Variants in EDARADD observed in about 807,000 individuals in gnomAD.
EDARADD encodes the protein EDAR associated via death domain.
EDARADD carries 20 observed loss-of-function variants against 25.6 expected under a neutral mutation model. The observed-to-expected ratio is 0.78, with a 90% CI of 0.55 to 1.14. The LOEUF is 1.14. EDARADD is among the 50% of genes most tolerant of loss of function. The pLI is 0.00. For synonymous variants in EDARADD, 86 were observed against 94.4 expected (o/e 0.91, Z 0.52); for missense variants, 225 against 270.1 (o/e 0.83, Z 1.17).
chr1:236,426,710 C>T (rs1195698976), intron 3 of EDARADD, among the ~76,000 whole-genome samples: 1 of 152,118 alleles, frequency 6.6e-6, no homozygotes, highest in Admixed American at 6.6e-5. Flanking sequence ...GAGTTCAAAA[C>T]CAGCATGGAC....
intron 1 of EDARADD, among the ~76,000 whole-genome samples, chr1:236,397,625 A>G (rs762097409): frequency 6.6e-6 from 1 of 152,138 alleles, no homozygotes; most frequent in Non-Finnish European, 1.5e-5. Flanking sequence ...TGACTTCAAG[A>G]GGTAGAACCC....
rs144547126 is a variant in EDARADD, at chr1:236,398,012, C to T, written c.61+3507C>T. On this transcript the variant is annotated intron_variant, in intron 1 of 5. Coordinates refer to ENST00000334232, the MANE Select transcript of EDARADD (RefSeq NM_145861.4). The surrounding 1 kb of genome is among the most constrained non-coding windows in gnomAD (Gnocchi z 4.1). The stretch of plus-strand genomic sequence containing the variant: ...ATACTCTCTCGCCTGATTTCCCACA[C>T]TCTTCTCCCGCCTGGTGTTTTCACA... Among the ~76,000 whole-genome samples, 7 of 152,344 alleles carry T rather than the reference C, an allele frequency of 4.6e-5. No homozygotes were observed. Among genetic ancestry groups the T allele is most frequent in the Non-Finnish European group, 8.8e-5 (6 of 68,040 alleles).
intron 4 of EDARADD, among the ~76,000 whole-genome samples, chr1:236,451,707 G>A (rs1332828730): frequency 6.6e-6 from 1 of 152,166 alleles, no homozygotes; most frequent in Non-Finnish European, 1.5e-5. Flanking sequence ...ACAGGCGTGA[G>A]CCACCACACC....
At chr1:236,393,642 C>A (rs1258247616), upstream of EDARADD, among the ~76,000 whole-genome samples, 1 of 152,024 alleles carries the variant, frequency 6.6e-6, no homozygotes, top group East Asian at 1.9e-4. Context: ...AATAATCCAC[C>A]TGCCTTGGGC....
intron 4 of EDARADD, among the ~76,000 whole-genome samples, chr1:236,441,137 A>T (rs1658386025): frequency 6.6e-6 from 1 of 151,762 alleles, no homozygotes; most frequent in African/African-American, 2.4e-5. Context: ...TAAGAAAGCC[A>T]TTATTCTTAT....
chr1:236,419,703 G>T (rs1021442650), intron 3 of EDARADD, among the ~76,000 whole-genome samples: 2 of 152,134 alleles, frequency 1.3e-5, no homozygotes, highest in Admixed American at 6.5e-5. Flanking sequence ...GATGGTGACC[G>T]CTCTAGCTGT....
intron 4 of EDARADD, among the ~76,000 whole-genome samples, chr1:236,458,248 G>A (rs1658929651): frequency 6.6e-6 from 1 of 152,240 alleles, no homozygotes; most frequent in Non-Finnish European, 1.5e-5. Flanking sequence ...GAGAAGAGCT[G>A]CGGGTAACTC....
intron 3 of EDARADD, among the ~76,000 whole-genome samples, chr1:236,425,354 G>C (rs1485500563): frequency 6.6e-6 from 1 of 152,246 alleles, no homozygotes; most frequent in Non-Finnish European, 1.5e-5. Flanking sequence ...ATGGGCAGCA[G>C]CAAGGGAAGC....
At chr1:236,460,387 C>T (rs1328116859) in intron 4 of EDARADD, among the ~76,000 whole-genome samples, 2 of 151,758 alleles carry the variant, frequency 1.3e-5, no homozygotes, top group African/African-American at 2.4e-5. Context: ...GATCTCACTA[C>T]GTTGCCCCGG....
chr1:236,391,035 C>G (rs985199294), upstream of EDARADD, among the ~76,000 whole-genome samples: 2 of 152,126 alleles, frequency 1.3e-5, no homozygotes, highest in South Asian at 4.2e-4. Flanking sequence ...CAACCTCCCC[C>G]TCCTGGGTTT....
At chr1:236,351,421 T>G (rs778023697) in intron 3 of EDARADD, among the ~76,000 whole-genome samples, 9 of 151,946 alleles carry the variant, frequency 5.9e-5, no homozygotes, top group Admixed American at 2.0e-4. Context: ...AATAAGGAAT[T>G]CAAGGATGAA....
chr1:236,402,214 G>A (rs1200971665), intron 1 of EDARADD, among the ~76,000 whole-genome samples: 3 of 152,070 alleles, frequency 2.0e-5, no homozygotes, highest in Admixed American at 6.6e-5. Context: ...TGCCCGCCTC[G>A]GCCTCCCAAA....
chr1:236,436,727 A>G (rs1017256514), intron 4 of EDARADD, among the ~76,000 whole-genome samples: 1 of 152,074 alleles, frequency 6.6e-6, no homozygotes, highest in African/African-American at 2.4e-5. Context: ...TTAGATGCAA[A>G]GTCAAGAAGT....
intron 4 of EDARADD, among the ~76,000 whole-genome samples, chr1:236,467,449 C>CACACACACAT (rs1553270580): frequency 3.3e-5 from 5 of 151,454 alleles, no homozygotes; most frequent in African/African-American, 4.9e-5. Context: ...CACACACACA[C>CACACACACAT]ACACACATAC....
intron 4 of EDARADD, among the ~76,000 whole-genome samples, chr1:236,443,806 T>C (rs1658463732): frequency 6.6e-6 from 1 of 152,200 alleles, no homozygotes; most frequent in African/African-American, 2.4e-5. Flanking sequence ...ACATAAATAA[T>C]GCACGAAGCA....
chr1:236,450,918 A>G (rs1486854240), intron 4 of EDARADD, among the ~76,000 whole-genome samples: 1 of 152,108 alleles, frequency 6.6e-6, no homozygotes, highest in African/African-American at 2.4e-5. Context: ...ACACATCGAG[A>G]TCCAGAGTGG....
chr1:236,381,800 G>GCTTTTTT (rs1667303282), intron 3 of EDARADD, among the ~76,000 whole-genome samples: 1 of 16,918 alleles, frequency 5.9e-5, no homozygotes, highest in Non-Finnish European at 1.3e-4. Flanking sequence ...TCCTGTGGTT[G>GCTTTTTT]CTTTTTTTTT....
chr1:236,483,498 C>A lies in EDARADD; in HGVS notation c.*849C>A. On this transcript the variant is annotated 3_prime_UTR_variant, in exon 6 of 6. Coordinates refer to ENST00000334232, the MANE Select transcript of EDARADD (RefSeq NM_145861.4). ...ATCTAAATTTGGTGCAAATGCCATT[C>A]TGGGAGTGTCCCTCGCTGCCTGCAA... 2.0e-6 allele frequency: 2 copies of A among 1,009,188 alleles called. No homozygotes were observed. Among genetic ancestry groups the A allele is most frequent in the Non-Finnish European group, 3.2e-6 (2 of 631,192 alleles). The allele number at this position is 1,009,188 out of a possible 1,614,324, so 62.5% of individuals were successfully genotyped here.
chr1:236,407,361 C>G (rs555656890), intron 1 of EDARADD, among the ~76,000 whole-genome samples: 96 of 152,314 alleles, frequency 6.3e-4, no homozygotes, highest in African/African-American at 2.3e-3. Flanking sequence ...GGCAAAGGCT[C>G]TCTCCATTCG....
Sources: gnomAD v4.1 joint callset for allele counts (sites outside exome capture counted in the v4.1 genomes callset) on GRCh38, gnomAD v4.1.1 for gene constraint, Gnocchi (gnomAD v3.1) non-coding constraint, MANE v1.5 for transcripts, NCBI Gene and HGNC (gene_info 2026-07-23, HGNC 2026-07-21) for gene names.